Variants in TLL2 observed in about 807,000 individuals in gnomAD.
TLL2 encodes the protein tolloid-like protein 2.
A neutral mutation model predicts 123.0 loss-of-function variants in TLL2; 106 were observed. The ratio of observed to expected loss-of-function variants is 0.86; its 90% CI spans 0.74 to 1.01. The LOEUF is 1.01. TLL2 is among the 50% of genes least tolerant of loss of function. The pLI, the probability that TLL2 is intolerant of heterozygous loss-of-function variation, is 0.00. For missense variants in TLL2, 1,332 were observed against 1,336.7 expected (o/e 1.00, Z 0.06); for synonymous variants, 494 against 516.8 (o/e 0.96, Z 0.60).
chr10:96,473,833 C>A (rs565752434), intron 2 of TLL2, among the ~76,000 whole-genome samples: 2 of 152,048 alleles, frequency 1.3e-5, no homozygotes, highest in African/African-American at 4.8e-5. Flanking sequence ...CTTTGGGGAA[C>A]AAACAAACAA....
In TLL2 at chr10:96,422,597, G is replaced by T. The variant is rs1003743673; in HGVS notation, c.769C>A (p.Pro257Thr). 4 of 1,614,158 alleles carry T rather than the reference G, an allele frequency of 2.5e-6. No homozygotes were observed. Among genetic ancestry groups the T allele is most frequent in the Non-Finnish European group, 3.4e-6 (4 of 1,180,036 alleles). Residue 257 changes from proline (P) to threonine (T), a missense_variant, in exon 6 of 21, where the codon CCA becomes ACA. By Grantham distance (38) the Pro-to-Thr change is conservative. Coordinates refer to ENST00000357947, the MANE Select transcript of TLL2 (RefSeq NM_012465.4). Reference protein sequence around the residue: ...VVGFWHEHTRPDRDQHVTIIR... With the variant: ...VVGFWHEHTRTDRDQHVTIIR... ...ATGGTGACATGTTGGTCTCTGTCTG[G>T]CCGGGTGTGTTCATGCCAAAACCCA...
intron 4 of TLL2, among the ~76,000 whole-genome samples, chr10:96,431,207 C>T (rs1343199156): frequency 2.0e-5 from 3 of 152,132 alleles, no homozygotes; most frequent in Non-Finnish European, 4.4e-5. Flanking sequence ...TTTCTTTAGG[C>T]ACTCACCTTT....
At chr10:96,383,701 A>G (rs1374602248) in intron 16 of TLL2, among the ~76,000 whole-genome samples, 1 of 151,332 alleles carries the variant, frequency 6.6e-6, no homozygotes, top group Non-Finnish European at 1.5e-5. Context: ...GCTCACTGCA[A>G]CCTCCACCTC....
At chr10:96,485,188 G>T (rs1202870462) in intron 1 of TLL2, among the ~76,000 whole-genome samples, 1 of 152,122 alleles carries the variant, frequency 6.6e-6, no homozygotes, top group African/African-American at 2.4e-5. Context: ...CTATTAGGAG[G>T]AAACATCAGC....
chr10:96,396,096 G>A (rs992095223), intron 11 of TLL2, 76 bp from the exon 12 acceptor site: 10 of 1,539,736 alleles, frequency 6.5e-6, no homozygotes, highest in Middle Eastern at 1.9e-4. Context: ...TTGGGGAGGC[G>A]GGGGGAACAG....
At chr10:96,429,363 C>A (rs56002002) in intron 4 of TLL2, among the ~76,000 whole-genome samples, 117 of 142,138 alleles carry the variant, frequency 8.2e-4, no homozygotes, top group Non-Finnish European at 8.4e-4. Context: ...TAAATATTTT[C>A]AAAAAAAAAA....
chr10:96,504,123 G>A (rs1407481458), intron 1 of TLL2, among the ~76,000 whole-genome samples: 1 of 152,206 alleles, frequency 6.6e-6, no homozygotes, highest in African/African-American at 2.4e-5. Context: ...TCAACTCCTA[G>A]GGGTTGGGAG....
At position 96,436,803 on chromosome 10, in the gene TLL2, A is replaced by C. The variant is rs779133144; in HGVS notation, c.365-3841T>G. Among the ~76,000 whole-genome samples, 14 of 151,098 alleles carry C rather than the reference A, an allele frequency of 9.3e-5. No individual in the cohort carries two copies. In the East Asian group the frequency reaches 2.5e-3, roughly 27 times the overall value. The stretch of plus-strand genomic sequence containing the variant: ...TGGGTTCAAGCCATCCTCCCCCCTC[A>C]CCCTCCCAAGTAGCTGGGACCACAG... On this transcript the variant is annotated intron_variant, in intron 3 of 20. Transcript: ENST00000357947.
At chr10:96,466,874 C>A in intron 2 of TLL2, among the ~76,000 whole-genome samples, 1 of 152,216 alleles carries the variant, frequency 6.6e-6, no homozygotes, top group East Asian at 1.9e-4. Flanking sequence ...AGGACTCATT[C>A]TTGGACCTCA....
intron 1 of TLL2, among the ~76,000 whole-genome samples, chr10:96,487,024 T>G (rs368762928): frequency 1.1e-4 from 16 of 152,312 alleles, no homozygotes; most frequent in East Asian, 7.7e-4. Context: ...GTCTTCGTAT[T>G]GTTCACCTGG....
intron 2 of TLL2, among the ~76,000 whole-genome samples, chr10:96,471,555 G>A (rs963690857): frequency 1.3e-5 from 2 of 152,200 alleles, no homozygotes; most frequent in African/African-American, 2.4e-5. Flanking sequence ...CCAACCCTGC[G>A]GGTATTACTG....
chr10:96,491,473 C>T (rs1033734301), intron 1 of TLL2, among the ~76,000 whole-genome samples: 1 of 152,148 alleles, frequency 6.6e-6, no homozygotes. Flanking sequence ...CCCACTAGAC[C>T]TTCAACCTGC....
chr10:96,509,862 G>C (rs1847610775), intron 1 of TLL2, among the ~76,000 whole-genome samples: 1 of 152,206 alleles, frequency 6.6e-6, no homozygotes, highest in Non-Finnish European at 1.5e-5. Context: ...CAGGAGAATG[G>C]CGTGAACCCG....
At position 96,395,143 on chromosome 10, in the gene TLL2, T is replaced by C. The variant is rs1378659237; in HGVS notation, c.1726+44A>G. 5 of 1,549,722 alleles carry C rather than the reference T, an allele frequency of 3.2e-6. No homozygotes were observed. In the South Asian group the frequency reaches 6.2e-5, roughly 19 times the overall value. Reference sequence around the variant, plus strand: ...GTGTCTTAGGCCAGGGGGAGCAATATTTCTTCTTGTGCCTAAAAGTGGAAA... The same window carrying C: ...GTGTCTTAGGCCAGGGGGAGCAATACTTCTTCTTGTGCCTAAAAGTGGAAA... On this transcript the variant is annotated intron_variant, in intron 13 of 20. Transcript: ENST00000357947.
intron 3 of TLL2, among the ~76,000 whole-genome samples, chr10:96,441,570 G>T (rs189553642): frequency 6.6e-6 from 1 of 152,326 alleles, no homozygotes; most frequent in African/African-American, 2.4e-5. Flanking sequence ...CAAAGGTTAA[G>T]ATCAAGGGGT....
chr10:96,511,307 C>A (rs1847628234), intron 1 of TLL2, among the ~76,000 whole-genome samples: 1 of 152,236 alleles, frequency 6.6e-6, no homozygotes, highest in Non-Finnish European at 1.5e-5. Context: ...TGCTGGCCTT[C>A]CAGACAGCTG....
At chr10:96,465,634 C>G (rs1272482814) in intron 2 of TLL2, among the ~76,000 whole-genome samples, 1 of 152,216 alleles carries the variant, frequency 6.6e-6, no homozygotes, top group Non-Finnish European at 1.5e-5. Flanking sequence ...GGAAAAACAG[C>G]CTTGACCAAT....
At chr10:96,393,915 C>A (rs1183411927) in intron 13 of TLL2, among the ~76,000 whole-genome samples, 1 of 152,106 alleles carries the variant, frequency 6.6e-6, no homozygotes, top group Non-Finnish European at 1.5e-5. Context: ...GCCTCCACAG[C>A]CGTCCTTTCT....
At chr10:96,372,636 C>T (rs1408034435) in intron 19 of TLL2, among the ~76,000 whole-genome samples, 1 of 152,168 alleles carries the variant, frequency 6.6e-6, no homozygotes, top group Non-Finnish European at 1.5e-5. Context: ...GGAACAGAAA[C>T]ATTTTTCACT....
Sources: gnomAD v4.1 joint callset for allele counts (sites outside exome capture counted in the v4.1 genomes callset) on GRCh38, gnomAD v4.1.1 for gene constraint, MANE v1.5 for transcripts, NCBI Gene and HGNC (gene_info 2026-07-23, HGNC 2026-07-21) for gene names.